Variants in ALG10B observed in about 807,000 individuals in gnomAD.
ALG10B encodes the protein dol-P-Glc:Glc(2)Man(9)GlcNAc(2)-PP-Dol alpha-1,2-glucosyltransferase B.
In ALG10B, 27 loss-of-function variants were observed where a neutral mutation model predicts 38.7. The ratio of observed to expected loss-of-function variants is 0.70; its 90% CI spans 0.51 to 0.96. The LOEUF is 0.96. Among genes scored for constraint, ALG10B ranks in the 40% least tolerant of loss-of-function variants. ALG10B has a pLI of 0.00. For missense variants in ALG10B, 522 were observed against 542.7 expected (o/e 0.96, Z 0.38); for synonymous variants, 177 against 193.3 (o/e 0.92, Z 0.70).
Position 38,323,700 on chromosome 12 carries a change from G to A in ALG10B, c.*2487G>A, listed in dbSNP as rs1465651984. 1.2e-4 allele frequency: 66 copies of A among 536,244 alleles called. No individual in the cohort carries two copies. The East Asian group carries it at 1.8e-3, about 14-fold the overall frequency. 33.2% of individuals were successfully genotyped at this position (536,244 alleles called of 1,614,324 possible). A position where few individuals can be genotyped will look rare whatever the true frequency, so the allele number is the denominator to read the frequency against. On this transcript the variant is annotated 3_prime_UTR_variant, in exon 3 of 3. Transcript: ENST00000308742. ...TACTCTAGTACTCAGAAAATAGATC[G>A]GCATTAGTTATAACAGTGATTGTAG...
In ALG10B at chr12:38,326,981, G is replaced by T. The variant is rs1357799735; in HGVS notation, c.*5768G>T. On this transcript the variant is annotated 3_prime_UTR_variant, in exon 3 of 3. Coordinates refer to ENST00000308742, the MANE Select transcript of ALG10B (RefSeq NM_001013620.4). ...ATTTTATCTCAGCCTATCACCATCAGACCAAAAGACAATACAGTATTTTTC... is the reference window on the plus strand; with the variant it reads ...ATTTTATCTCAGCCTATCACCATCATACCAAAAGACAATACAGTATTTTTC... 1 of 149,632 alleles carries T rather than the reference G, an allele frequency of 6.7e-6. No homozygotes were observed. Among genetic ancestry groups the T allele is most frequent in the Non-Finnish European group, 1.5e-5 (1 of 67,512 alleles). The allele number at this position is 149,632 out of a possible 1,614,324, so 9.3% of individuals were successfully genotyped here.
Position 38,321,451 on chromosome 12 carries a change from T to C in ALG10B, c.*238T>C. The C allele has an allele frequency of 2.8e-6, 1 of 356,648 alleles. No individual in the cohort carries two copies. The highest frequency in any genetic ancestry group is 5.0e-6 in the Non-Finnish European group (1 of 200,164). 22.1% of individuals were successfully genotyped at this position (356,648 alleles called of 1,614,324 possible). On this transcript the variant is annotated 3_prime_UTR_variant, in exon 3 of 3. Transcript: ENST00000308742. ...ATGGGAAAATAAAATTGTTTTCAGATATCTCATATCGCTCTCGTAATGTTG... is the reference window on the plus strand; with the variant it reads ...ATGGGAAAATAAAATTGTTTTCAGACATCTCATATCGCTCTCGTAATGTTG...
At chr12:38,318,130 C>T (rs1173300486) in intron 1 of ALG10B, 131 bp from the exon 2 acceptor site, 4 of 1,220,878 alleles carry the variant, frequency 3.3e-6, no homozygotes, top group Admixed American at 3.5e-5. Context: ...CAAGGACTTA[C>T]TTAATCTTGT....
Position 38,320,419 on chromosome 12 carries a change from A to G in ALG10B, c.628A>G (p.Lys210Glu). The part of the protein sequence containing the change: ...VIAQKLTEAW[K>E]TELQKKEDRL... ...TGCACAAAAGTTAACTGAGGCTTGG[A>G]AAACTGAGCTACAAAAGAAGGAAGA... Residue 210 changes from lysine to glutamate, a missense_variant, in exon 3 of 3, where the codon AAA (lysine) becomes GAA (glutamate). Coordinates refer to ENST00000308742, the MANE Select transcript of ALG10B (RefSeq NM_001013620.4). 2 of 1,614,144 alleles carry G rather than the reference A, an allele frequency of 1.2e-6. No homozygotes were observed. The highest frequency in any genetic ancestry group is 4.5e-5 in the East Asian group (2 of 44,880).
In ALG10B at chr12:38,327,432, T is replaced by C. The variant is rs1945754576; in HGVS notation, c.*6219T>C. On this transcript the variant is annotated 3_prime_UTR_variant, in exon 3 of 3. Coordinates refer to ENST00000308742, the MANE Select transcript of ALG10B (RefSeq NM_001013620.4). ...ACCTATAATGTTTTAGGCATTATAC[T>C]AGCTGATTTACAAATATTGTCTCAT... is the stretch of plus-strand genomic sequence containing the variant. 1 of 152,232 alleles carries C rather than the reference T, an allele frequency of 6.6e-6. No homozygotes were observed. Among genetic ancestry groups the C allele is most frequent in the African/African-American group, 2.4e-5 (1 of 41,464 alleles). The allele number at this position is 152,232 out of a possible 1,614,324, so 9.4% of individuals were successfully genotyped here. A position where few individuals can be genotyped will look rare whatever the true frequency, so the allele number is the denominator to read the frequency against.
rs898669176 is a variant in ALG10B at position 38,324,195 on chromosome 12, G to A, written c.*2982G>A. ...TTATAGGCGCCCACCACCAAGCCTGGCTAATTTTTTCTATTTTTAGTAGAG... is the reference window on the plus strand; with the variant it reads ...TTATAGGCGCCCACCACCAAGCCTGACTAATTTTTTCTATTTTTAGTAGAG... On this transcript the variant is annotated 3_prime_UTR_variant, in exon 3 of 3. Transcript: ENST00000308742. 1.0e-5 allele frequency: 4 copies of A among 382,556 alleles called. No homozygotes were observed. Among genetic ancestry groups the A allele is most frequent in the South Asian group, 9.7e-5 (2 of 20,558 alleles). 23.7% of individuals were successfully genotyped at this position (382,556 alleles called of 1,614,324 possible). A position where few individuals can be genotyped will look rare whatever the true frequency, so the allele number is the denominator to read the frequency against.
Position 38,327,629 on chromosome 12 carries a change from C to T in ALG10B, c.*6416C>T, listed in dbSNP as rs1206602193. ...AGTTTTTGACCGTCATATTCTGCCT[C>T]ACTATGAAAAGTTTTTTTTCAATTT... On this transcript the variant is annotated 3_prime_UTR_variant, in exon 3 of 3. Coordinates refer to ENST00000308742, the MANE Select transcript of ALG10B (RefSeq NM_001013620.4). 2 of 98,840 alleles carry T rather than the reference C, an allele frequency of 2.0e-5. No homozygotes were observed. Among genetic ancestry groups the T allele is most frequent in the Non-Finnish European group, 4.1e-5 (2 of 48,340 alleles). 6.1% of individuals were successfully genotyped at this position (98,840 alleles called of 1,614,324 possible).
intron 1 of ALG10B, 86 bp downstream of exon 1, chr12:38,317,150 T>C: frequency 6.3e-7 from 1 of 1,587,174 alleles, no homozygotes; most frequent in African/African-American, 1.3e-5. Context: ...TAGACTTAAC[T>C]CGTCCCTTTC....
Position 38,326,734 on chromosome 12 carries a change from C to T in ALG10B, c.*5521C>T, listed in dbSNP as rs1223964244. ...GGCATTTTTATGTATTTAATGTTGA[C>T]AACTGACGTTTCCAATATACAAAAA... On this transcript the variant is annotated 3_prime_UTR_variant, in exon 3 of 3. Coordinates refer to ENST00000308742, the MANE Select transcript of ALG10B (RefSeq NM_001013620.4). 6.6e-6 allele frequency: 1 copy of T among 151,384 alleles called. No individual in the cohort carries two copies. The highest frequency in any genetic ancestry group is 1.5e-5 in the Non-Finnish European group (1 of 67,862). 9.4% of individuals were successfully genotyped at this position (151,384 alleles called of 1,614,324 possible).
rs370562880 is a variant in ALG10B at position 38,323,096 on chromosome 12, C to T, written c.*1883C>T. On this transcript the variant is annotated 3_prime_UTR_variant, in exon 3 of 3. Coordinates refer to ENST00000308742, the MANE Select transcript of ALG10B (RefSeq NM_001013620.4). Reference sequence around the variant, plus strand: ...AGAGTGCAGACTTCTCTTTGACATACGGATTTCAAATCTTCTGGATAAATA... The same window carrying T: ...AGAGTGCAGACTTCTCTTTGACATATGGATTTCAAATCTTCTGGATAAATA... The T allele has an allele frequency of 7.9e-5, 12 of 152,180 alleles. 1 individual carries two copies. Among genetic ancestry groups the T allele is most frequent in the African/African-American group, 2.7e-4 (11 of 41,508 alleles). 9.4% of individuals were successfully genotyped at this position (152,180 alleles called of 1,614,324 possible).
chr12:38,328,129 T>A lies in ALG10B; in HGVS notation c.*6916T>A, dbSNP rs1431127285. On this transcript the variant is annotated 3_prime_UTR_variant, in exon 3 of 3. Coordinates refer to ENST00000308742, the MANE Select transcript of ALG10B (RefSeq NM_001013620.4). The stretch of plus-strand genomic sequence containing the variant: ...TTAGATAGCAAGTAGTTCAAATGTC[T>A]TTTAAAGGTATCTGACATCTTTAAA... The A allele has an allele frequency of 6.6e-6, 1 of 152,230 alleles. No homozygotes were observed. The highest frequency in any genetic ancestry group is 6.5e-5 in the Admixed American group (1 of 15,286). The allele number at this position is 152,230 out of a possible 1,614,324, so 9.4% of individuals were successfully genotyped here.
At position 38,325,778 on chromosome 12, in the gene ALG10B, T is replaced by C. The variant is rs1432788465; in HGVS notation, c.*4565T>C. ...GTCCTCATTTCAAATGAGAATAGTA[T>C]TTGTCCTAACTCTAGTCAGTGTCTG... is the stretch of plus-strand genomic sequence containing the variant. On this transcript the variant is annotated 3_prime_UTR_variant, in exon 3 of 3. Coordinates refer to ENST00000308742, the MANE Select transcript of ALG10B (RefSeq NM_001013620.4). 1 of 152,182 alleles carries C rather than the reference T, an allele frequency of 6.6e-6. No individual in the cohort carries two copies. Among genetic ancestry groups the C allele is most frequent in the Non-Finnish European group, 1.5e-5 (1 of 68,022 alleles). The allele number at this position is 152,182 out of a possible 1,614,324, so 9.4% of individuals were successfully genotyped here.
intron 1 of ALG10B, chr12:38,317,410 T>G (rs1034852043): frequency 3.5e-4 from 110 of 314,366 alleles, no homozygotes; most frequent in Admixed American, 6.0e-4. Context: ...ATCAGAAAAC[T>G]TCCCTTTAGC....
In ALG10B at chr12:38,327,353, GA is replaced by G. The variant is rs1945754012; in HGVS notation, c.*6146del. ...TGTGTGTGTATGGCATATATAAGAT[GA>G]AAAAAGGAGAAAAAGTAACAATAAT... On this transcript the variant is annotated 3_prime_UTR_variant, in exon 3 of 3. Coordinates refer to ENST00000308742, the MANE Select transcript of ALG10B (RefSeq NM_001013620.4). The G allele has an allele frequency of 6.6e-6, 1 of 151,668 alleles. No homozygotes were observed. Among genetic ancestry groups the G allele is most frequent in the Admixed American group, 6.6e-5 (1 of 15,250 alleles). 9.4% of individuals were successfully genotyped at this position (151,668 alleles called of 1,614,324 possible).
rs185015370 is a variant in ALG10B at position 38,318,218 on chromosome 12, C to A, written c.172-43C>A. Reference sequence around the variant, plus strand: ...TTGACATATTTGTGTCTGTCTTGTTCGTATTACCTCTTGCTTTTACTTCAT... The same window carrying A: ...TTGACATATTTGTGTCTGTCTTGTTAGTATTACCTCTTGCTTTTACTTCAT... On this transcript the variant is annotated intron_variant, in intron 1 of 2. Coordinates refer to ENST00000308742, the MANE Select transcript of ALG10B (RefSeq NM_001013620.4). 10 of 1,608,620 alleles carry A rather than the reference C, an allele frequency of 6.2e-6. No individual in the cohort carries two copies. In the South Asian group the frequency reaches 8.8e-5, roughly 14 times the overall value.
rs1209229431 is a variant in ALG10B at position 38,320,938 on chromosome 12, A to G, written c.1147A>G (p.Ser383Gly). ...LVPAYIFAGW[S>G]IADSLKSKPI... is the part of the protein sequence containing the mutation. ...TCCAGCCTATATATTTGCTGGTTGG[A>G]GTATAGCTGACTCATTGAAATCAAA... is the stretch of plus-strand genomic sequence containing the variant. Residue 383 changes from serine (S) to glycine (G), a missense_variant, in exon 3 of 3, where the codon AGT becomes GGT. By Grantham distance (56) the Ser-to-Gly change is moderately conservative. Transcript: ENST00000308742. 6.2e-7 allele frequency: 1 copy of G among 1,613,780 alleles called. No individual in the cohort carries two copies. Among genetic ancestry groups the G allele is most frequent in the African/African-American group, 1.3e-5 (1 of 75,020 alleles).
In ALG10B at chr12:38,328,384, G is replaced by C. The variant is rs1205161537; in HGVS notation, c.*7171G>C. On this transcript the variant is annotated 3_prime_UTR_variant, in exon 3 of 3. Transcript: ENST00000308742. ...GATGTTTTGGAGCACTGGTAATATAGTGTTTAACTTATTTTCTATTTTTTA... is the reference window on the plus strand; with the variant it reads ...GATGTTTTGGAGCACTGGTAATATACTGTTTAACTTATTTTCTATTTTTTA... 1 of 152,048 alleles carries C rather than the reference G, an allele frequency of 6.6e-6. No homozygotes were observed. The highest frequency in any genetic ancestry group is 2.1e-4 in the South Asian group (1 of 4,820). The allele number at this position is 152,048 out of a possible 1,614,324, so 9.4% of individuals were successfully genotyped here.
At chr12:38,319,054 C>G (rs1777080370) in intron 2 of ALG10B, among the ~76,000 whole-genome samples, 1 of 152,040 alleles carries the variant, frequency 6.6e-6, no homozygotes, top group African/African-American at 2.4e-5. Flanking sequence ...AGTAAGGGCT[C>G]AGTAAATATT....
chr12:38,316,751 C>T, upstream of ALG10B: 1 of 1,416,192 alleles, frequency 7.1e-7, no homozygotes, highest in Admixed American at 1.7e-5. Context: ...CGCGCTCTCC[C>T]AGCATCCTTT....
Sources: allele counts gnomAD v4.1 joint callset (sites outside exome capture counted in the v4.1 genomes callset), GRCh38; gene constraint gnomAD v4.1.1; transcripts MANE v1.5; gene names NCBI Gene and HGNC (gene_info 2026-07-23, HGNC 2026-07-21).